SORCS2: variants seen among roughly 807,000 people sequenced by gnomAD.
SORCS2 encodes the protein VPS10 domain-containing receptor SorCS2.
A neutral mutation model predicts 141.6 loss-of-function variants in SORCS2; 100 were observed. The observed-to-expected ratio is 0.71, with a 90% CI of 0.60 to 0.83. The LOEUF (loss-of-function observed/expected upper bound fraction) is 0.83, where lower values mean the gene tolerates loss of function less well. Ranked by LOEUF, SORCS2 falls within the 40% of genes least tolerant of loss-of-function variation. The pLI is 0.00. For missense variants in SORCS2, 1,646 were observed against 1,560.2 expected (o/e 1.05, Z -0.93); for synonymous variants, 789 against 676.9 (o/e 1.17, Z -2.57).
At position 7,689,300 on chromosome 4, in the gene SORCS2, C is replaced by T. The variant is rs540983854; in HGVS notation, c.1489-186C>T. On this transcript the variant is annotated intron_variant, in intron 10 of 26. Coordinates refer to ENST00000507866, the MANE Select transcript of SORCS2 (RefSeq NM_020777.3). ...AGCACCTGCTGAAGCTTCCCTTGTACTTCCCACCCTTTCCCTAAAGGTCAG... is the reference window on the plus strand; with the variant it reads ...AGCACCTGCTGAAGCTTCCCTTGTATTTCCCACCCTTTCCCTAAAGGTCAG... 2.6e-5 allele frequency among the ~76,000 whole-genome samples: 4 copies of T among 152,282 alleles called. No individual in the cohort carries two copies. In the East Asian group the frequency reaches 5.8e-4, roughly 22 times the overall value.
intron 3 of SORCS2, among the ~76,000 whole-genome samples, chr4:7,637,363 T>C (rs1216603561): frequency 6.6e-6 from 1 of 152,192 alleles, no homozygotes; most frequent in African/African-American, 2.4e-5. Context: ...TCTCCTCTGC[T>C]GAAGGTAGTG....
intron 14 of SORCS2, among the ~76,000 whole-genome samples, chr4:7,704,562 C>A (rs1455374923): frequency 1.3e-5 from 2 of 152,222 alleles, no homozygotes; most frequent in African/African-American, 4.8e-5. Flanking sequence ...TAGGGCCTGA[C>A]ACCCAGACAG....
intron 1 of SORCS2, among the ~76,000 whole-genome samples, chr4:7,258,045 G>A (rs1029198376): frequency 1.3e-5 from 2 of 152,218 alleles, no homozygotes; most frequent in African/African-American, 4.8e-5. Flanking sequence ...TTCAGTGTTG[G>A]GGGAGTGGTG....
At chr4:7,574,516 C>T (rs906969102) in intron 3 of SORCS2, among the ~76,000 whole-genome samples, 7 of 151,826 alleles carry the variant, frequency 4.6e-5, no homozygotes, top group South Asian at 2.1e-4. Context: ...GTCAGGTCAG[C>T]GCAGCAGGTG....
At chr4:7,313,174 G>GC (rs1312225853) in intron 1 of SORCS2, among the ~76,000 whole-genome samples, 1 of 152,246 alleles carries the variant, frequency 6.6e-6, no homozygotes, top group East Asian at 1.9e-4. Flanking sequence ...CATTTCCGAT[G>GC]CATTCATTGT....
chr4:7,222,300 C>G (rs1238995837), intron 1 of SORCS2, among the ~76,000 whole-genome samples: 1 of 152,166 alleles, frequency 6.6e-6, no homozygotes, highest in Non-Finnish European at 1.5e-5. Flanking sequence ...GAATATTATT[C>G]AGCCATGGAC....
chr4:7,192,773 C>A lies in SORCS2; in HGVS notation c.127C>A (p.Leu43Met). 9.9e-7 allele frequency: 1 copy of A among 1,007,020 alleles called. No homozygotes were observed. Among genetic ancestry groups the A allele is most frequent in the Non-Finnish European group, 1.2e-6 (1 of 846,116 alleles). 62.4% of individuals were successfully genotyped at this position (1,007,020 alleles called of 1,614,324 possible). ...GCCGCTCCTGCTGCTGCTGCTGCTGCTGGGCGCCTGCGGGGCGGCGGGGCG... is the reference window on the plus strand; with the variant it reads ...GCCGCTCCTGCTGCTGCTGCTGCTGATGGGCGCCTGCGGGGCGGCGGGGCG... Reference protein sequence around the residue: ...SRPLLLLLLLLGACGAAGRSP... With the variant: ...SRPLLLLLLLMGACGAAGRSP... The change falls in exon 1 of 27, where the codon CTG becomes ATG. Residue 43 changes from leucine to methionine, a missense_variant. Coordinates refer to ENST00000507866, the MANE Select transcript of SORCS2 (RefSeq NM_020777.3). The surrounding 1 kb of genome is among the most constrained non-coding windows in gnomAD (Gnocchi z 4.0).
intron 1 of SORCS2, among the ~76,000 whole-genome samples, chr4:7,323,780 A>G (rs536605096): frequency 6.6e-6 from 1 of 151,094 alleles, no homozygotes; most frequent in African/African-American, 2.4e-5. Context: ...TTTCCCCTCC[A>G]CCCCCGAGAA....
rs138488367 is a variant in SORCS2 at position 7,235,752 on chromosome 4, G to T, written c.480+42626G>T. Among the ~76,000 whole-genome samples, 825 of 152,348 alleles carry T rather than the reference G, an allele frequency of 5.4e-3. 9 individuals are homozygous for T. The highest frequency in any genetic ancestry group is 0.018 in the African/African-American group (768 of 41,568). ...AGTCTATCCATGCCCACTCTGATGAGCACTTAGTGGGCAGAGAGGCTTGGA... is the reference window on the plus strand; with the variant it reads ...AGTCTATCCATGCCCACTCTGATGATCACTTAGTGGGCAGAGAGGCTTGGA... On this transcript the variant is annotated intron_variant, in intron 1 of 26. Coordinates refer to ENST00000507866, the MANE Select transcript of SORCS2 (RefSeq NM_020777.3).
chr4:7,724,013 C>G, intron 19 of SORCS2, 130 bp downstream of exon 19: 1 of 1,053,608 alleles, frequency 9.5e-7, no homozygotes, highest in Non-Finnish European at 1.3e-6. Flanking sequence ...AACCCGAGGG[C>G]AGGGAGGCAG....
intron 3 of SORCS2, among the ~76,000 whole-genome samples, chr4:7,543,863 C>T (rs1038512194): frequency 9.0e-5 from 6 of 66,758 alleles, no homozygotes; most frequent in Non-Finnish European, 1.3e-4. Context: ...CATCCATCCA[C>T]CCATCCATCC....
At chr4:7,714,965 G>C (rs2109041876) in intron 16 of SORCS2, among the ~76,000 whole-genome samples, 1 of 152,266 alleles carries the variant, frequency 6.6e-6, no homozygotes, top group South Asian at 2.1e-4. Context: ...AGCCCTCCAG[G>C]TTTCTCTGAG....
At chr4:7,227,033 G>A (rs1041415354) in intron 1 of SORCS2, among the ~76,000 whole-genome samples, 3 of 152,164 alleles carry the variant, frequency 2.0e-5, no homozygotes, top group Admixed American at 6.5e-5. Context: ...ATCCACACCA[G>A]CACACCTGCT....
At chr4:7,403,971 A>G (rs1233221981) in intron 2 of SORCS2, among the ~76,000 whole-genome samples, 5 of 3,662 alleles carry the variant, frequency 1.4e-3, no homozygotes, top group South Asian at 0.019. Flanking sequence ...GTATATATAT[A>G]TATATATATA....
chr4:7,373,465 T>TAC (rs1722392280), intron 1 of SORCS2, among the ~76,000 whole-genome samples: 1 of 69,944 alleles, frequency 1.4e-5, no homozygotes, highest in Non-Finnish European at 2.4e-5. Flanking sequence ...CTTTTATATA[T>TAC]ATATATATAT....
chr4:7,579,676 G>A (rs754990413), intron 3 of SORCS2, among the ~76,000 whole-genome samples: 2 of 152,196 alleles, frequency 1.3e-5, no homozygotes, highest in African/African-American at 4.8e-5. Context: ...TGTACTTTCA[G>A]TGGGTGCTTG....
intron 14 of SORCS2, among the ~76,000 whole-genome samples, chr4:7,709,704 T>C (rs578130267): frequency 9.1e-4 from 139 of 152,304 alleles, no homozygotes; most frequent in African/African-American, 3.2e-3. Context: ...ACTCTGTCCT[T>C]CCCGGATAAC....
intron 3 of SORCS2, among the ~76,000 whole-genome samples, chr4:7,617,463 G>A (rs979088038): frequency 3.3e-5 from 5 of 152,182 alleles, no homozygotes; most frequent in Admixed American, 3.3e-4. Context: ...GCAAGCAGGG[G>A]TGTGGGGTGT....
intron 2 of SORCS2, among the ~76,000 whole-genome samples, chr4:7,518,836 C>T (rs1733149921): frequency 2.6e-5 from 4 of 152,210 alleles, no homozygotes; most frequent in Admixed American, 2.6e-4. Context: ...AACGCAGCTT[C>T]CCCCAATTAA....
Sources: allele counts gnomAD v4.1 joint callset (sites outside exome capture counted in the v4.1 genomes callset), GRCh38; gene constraint gnomAD v4.1.1; non-coding constraint Gnocchi (gnomAD v3.1); transcripts MANE v1.5; gene names NCBI Gene and HGNC (gene_info 2026-07-23, HGNC 2026-07-21).